Variants in CACNA2D1 observed in about 807,000 individuals in gnomAD.
CACNA2D1 encodes the protein calcium voltage-gated channel auxiliary subunit alpha2delta 1, also known as voltage-dependent calcium channel subunit alpha-2/delta-1.
CACNA2D1 carries 53 observed loss-of-function variants against 171.5 expected under a neutral mutation model. That is an observed-to-expected ratio of 0.31 (90% CI 0.25 to 0.39). The LOEUF (loss-of-function observed/expected upper bound fraction) is 0.39, where lower values mean the gene tolerates loss of function less well. CACNA2D1 is among the 10% of genes least tolerant of loss of function. The probability of loss-of-function intolerance (pLI) is 1.00; values close to 1 mark genes in which losing one functional copy is unlikely to be tolerated. For missense variants in CACNA2D1, 903 were observed against 1,299.8 expected, an observed-to-expected ratio of 0.69 and a Z score of 4.69; for synonymous variants, 442 against 443.1, an observed-to-expected ratio of 1.00 and a Z score of 0.03.
At chr7:82,414,659 A>T (rs559024540) in intron 1 of CACNA2D1, among the ~76,000 whole-genome samples, 1 of 152,340 alleles carries the variant, frequency 6.6e-6, no homozygotes, top group South Asian at 2.1e-4. Context: ...TCAGGCTACA[A>T]GTGATTCTGA....
intron 3 of CACNA2D1, among the ~76,000 whole-genome samples, chr7:82,263,532 C>T (rs1056971191): frequency 6.6e-6 from 1 of 152,054 alleles, no homozygotes; most frequent in Non-Finnish European, 1.5e-5. Flanking sequence ...CCCCTATAAC[C>T]CTATCCACAG....
intron 10 of CACNA2D1, among the ~76,000 whole-genome samples, chr7:82,054,506 G>A (rs986063827): frequency 6.6e-6 from 1 of 152,182 alleles, no homozygotes; most frequent in Non-Finnish European, 1.5e-5. Flanking sequence ...GTGGAAACTT[G>A]TTTGAAGATG....
chr7:82,003,121 T>C (rs1365924166), intron 18 of CACNA2D1, among the ~76,000 whole-genome samples: 1 of 152,154 alleles, frequency 6.6e-6, no homozygotes, highest in African/African-American at 2.4e-5. Flanking sequence ...AGCGTGCTCC[T>C]TTAGCCACTA....
chr7:82,042,668 A>G (rs1804102848), intron 10 of CACNA2D1, among the ~76,000 whole-genome samples: 1 of 152,046 alleles, frequency 6.6e-6, no homozygotes, highest in Non-Finnish European at 1.5e-5. Context: ...TTGTATTTCT[A>G]CTCCAGCATT....
At chr7:82,058,749 GCTC>G (rs1806247214) in intron 10 of CACNA2D1, among the ~76,000 whole-genome samples, 1 of 152,134 alleles carries the variant, frequency 6.6e-6, no homozygotes, top group African/African-American at 2.4e-5. Context: ...GGGCTTCCCA[GCTC>G]CTCCTTCCTG....
At chr7:82,106,535 A>T (rs918255696) in intron 6 of CACNA2D1, among the ~76,000 whole-genome samples, 2 of 148,516 alleles carry the variant, frequency 1.3e-5, no homozygotes, top group Non-Finnish European at 3.0e-5. Flanking sequence ...TTTTTTTTTT[A>T]AACAGTAAAT....
intron 12 of CACNA2D1, among the ~76,000 whole-genome samples, chr7:82,015,736 G>C (rs562175551): frequency 2.6e-5 from 4 of 152,070 alleles, no homozygotes; most frequent in African/African-American, 9.7e-5. Flanking sequence ...CTATTTGAAT[G>C]GACATTTTCT....
At chr7:82,426,192 ATTTGG>A (rs1422331316) in intron 1 of CACNA2D1, among the ~76,000 whole-genome samples, 5 of 151,048 alleles carry the variant, frequency 3.3e-5, no homozygotes, top group African/African-American at 7.3e-5. Context: ...CATAAATTCT[ATTTGG>A]TTTGTTTAGA....
At chr7:81,954,788 T>G (rs1205188174) in intron 38 of CACNA2D1, among the ~76,000 whole-genome samples, 1 of 152,110 alleles carries the variant, frequency 6.6e-6, no homozygotes, top group East Asian at 1.9e-4. Flanking sequence ...TTCAGGTAAG[T>G]CTGTACTAAA....
At chr7:82,069,712 CCTT>C (rs1808087965) in intron 7 of CACNA2D1, among the ~76,000 whole-genome samples, 1 of 10,382 alleles carries the variant, frequency 9.6e-5, no homozygotes. Context: ...GCGAAGTACC[CCTT>C]TTTTTTTTAT....
chr7:82,094,964 T>C (rs919223824), intron 6 of CACNA2D1, among the ~76,000 whole-genome samples: 1 of 152,096 alleles, frequency 6.6e-6, no homozygotes, highest in African/African-American at 2.4e-5. Flanking sequence ...ATATTCTACT[T>C]GGCAAATGTC....
intron 3 of CACNA2D1, among the ~76,000 whole-genome samples, chr7:82,267,411 C>T (rs926580520): frequency 6.6e-6 from 1 of 152,044 alleles, no homozygotes; most frequent in Non-Finnish European, 1.5e-5. Context: ...ATTAGTTATG[C>T]CCCAGAACCA....
At chr7:82,100,970 A>AGAATATTTG (rs1403478776) in intron 6 of CACNA2D1, among the ~76,000 whole-genome samples, 13 of 152,264 alleles carry the variant, frequency 8.5e-5, no homozygotes, top group Admixed American at 4.6e-4. Flanking sequence ...TAATGGAATT[A>AGAATATTTG]GAATATTTGG....
chr7:82,345,827 G>A (rs894343849), intron 2 of CACNA2D1, among the ~76,000 whole-genome samples: 44 of 152,006 alleles, frequency 2.9e-4, no homozygotes, highest in Non-Finnish European at 5.3e-4. Flanking sequence ...TGTTTTAAAT[G>A]TGTAAATACA....
chr7:82,305,469 A>C (rs1192803353), intron 3 of CACNA2D1, among the ~76,000 whole-genome samples: 1 of 152,102 alleles, frequency 6.6e-6, no homozygotes, highest in Non-Finnish European at 1.5e-5. Flanking sequence ...TGGGGCCTAC[A>C]CCTTACCTGC....
intron 1 of CACNA2D1, among the ~76,000 whole-genome samples, chr7:82,370,821 T>G (rs1822318636): frequency 6.6e-6 from 1 of 152,094 alleles, no homozygotes; most frequent in Non-Finnish European, 1.5e-5. Flanking sequence ...CTTAAACAGT[T>G]TATGGTACAT....
intron 3 of CACNA2D1, among the ~76,000 whole-genome samples, chr7:82,183,674 A>G (rs910716753): frequency 1.3e-5 from 2 of 152,158 alleles, no homozygotes; most frequent in African/African-American, 4.8e-5. Context: ...TGCAAAACAG[A>G]GTAGCGACAT....
At chr7:82,367,686 T>TA (rs1011510180) in intron 1 of CACNA2D1, among the ~76,000 whole-genome samples, 22 of 151,994 alleles carry the variant, frequency 1.4e-4, no homozygotes, top group African/African-American at 3.1e-4. Flanking sequence ...ATTAAATGAA[T>TA]AAAAAAAAGA....
At chr7:82,048,876 C>T (rs1329719995) in intron 10 of CACNA2D1, among the ~76,000 whole-genome samples, 1 of 151,814 alleles carries the variant, frequency 6.6e-6, no homozygotes, top group Non-Finnish European at 1.5e-5. Flanking sequence ...TCCTTCAAGC[C>T]CCATCAAATA....
Sources: gnomAD v4.1 joint callset for allele counts (sites outside exome capture counted in the v4.1 genomes callset) on GRCh38, gnomAD v4.1.1 for gene constraint, MANE v1.5 for transcripts, NCBI Gene and HGNC (gene_info 2026-07-23, HGNC 2026-07-21) for gene names.